The following SHISAL1 variants were observed in gnomAD, a reference collection of about 807,000 sequenced individuals.
The protein encoded by SHISAL1 is protein shisa-like-1.
Under a neutral mutation model 22.6 loss-of-function variants are expected in SHISAL1, and 9 were observed. The observed-to-expected ratio is 0.40, with a 90% CI of 0.24 to 0.70. SHISAL1 has a LOEUF of 0.70. Ranked by LOEUF, SHISAL1 falls within the 30% of genes least tolerant of loss-of-function variation. The pLI, the probability that SHISAL1 is intolerant of heterozygous loss-of-function variation, is 0.39. For synonymous variants in SHISAL1, 119 were observed against 115.4 expected, an observed-to-expected ratio of 1.03 and a Z score of -0.20; for missense variants, 246 against 270.6, an observed-to-expected ratio of 0.91 and a Z score of 0.64.
At chr22:44,300,078 AAGAC>A (rs1337391505) in intron 2 of SHISAL1, among the ~76,000 whole-genome samples, 5 of 147,358 alleles carry the variant, frequency 3.4e-5, no homozygotes, top group South Asian at 4.4e-4. Context: ...GAGACACAGA[AAGAC>A]AGACAGAGAC....
chr22:44,293,233 A>G (rs1840284822), intron 3 of SHISAL1, among the ~76,000 whole-genome samples: 1 of 152,100 alleles, frequency 6.6e-6, no homozygotes, highest in African/African-American at 2.4e-5. Context: ...CTGGGGGAGG[A>G]GAAGGAGCTG....
intron 4 of SHISAL1, among the ~76,000 whole-genome samples, chr22:44,254,862 C>T (rs745878359): frequency 5.9e-5 from 9 of 152,230 alleles, no homozygotes; most frequent in Non-Finnish European, 1.0e-4. Flanking sequence ...TTCTCACCAT[C>T]ACTTAGCCCC....
intron 4 of SHISAL1, among the ~76,000 whole-genome samples, chr22:44,274,737 G>A (rs2055228024): frequency 6.6e-6 from 1 of 152,158 alleles, no homozygotes; most frequent in African/African-American, 2.4e-5. Flanking sequence ...AAAAGCAGGT[G>A]TGCATTAGAA....
intron 4 of SHISAL1, among the ~76,000 whole-genome samples, chr22:44,271,430 C>T (rs1297245319): frequency 6.6e-6 from 1 of 152,052 alleles, no homozygotes; most frequent in African/African-American, 2.4e-5. Context: ...TACAGGAAGT[C>T]CAAGCTGGAG....
At chr22:44,273,425 A>C (rs1183590226) in intron 4 of SHISAL1, among the ~76,000 whole-genome samples, 1 of 152,338 alleles carries the variant, frequency 6.6e-6, no homozygotes, top group Non-Finnish European at 1.5e-5. Flanking sequence ...AATGTAGCAA[A>C]AGAACTAAGA....
intron 4 of SHISAL1, among the ~76,000 whole-genome samples, chr22:44,259,473 T>TTA (rs2055107467): frequency 7.0e-6 from 1 of 142,012 alleles, no homozygotes; most frequent in Non-Finnish European, 1.5e-5. Context: ...TAAAAATTAT[T>TTA]AAAAAAAAAA....
chr22:44,271,019 GT>G (rs1361446532), intron 4 of SHISAL1, among the ~76,000 whole-genome samples: 3 of 152,180 alleles, frequency 2.0e-5, no homozygotes, highest in Non-Finnish European at 4.4e-5. Flanking sequence ...CCCACTCAGA[GT>G]GGATAGAGAC....
chr22:44,280,223 A>G (rs900788770), intron 4 of SHISAL1, among the ~76,000 whole-genome samples: 3 of 152,170 alleles, frequency 2.0e-5, no homozygotes, highest in African/African-American at 7.2e-5. Context: ...TTGAGGGGTC[A>G]AGGCTGGGTT....
intron 4 of SHISAL1, 127 bp from the exon 5 acceptor site, chr22:44,249,812 C>A (rs16990705): frequency 4.3e-5 from 30 of 694,048 alleles, no homozygotes; most frequent in Non-Finnish European, 7.4e-5. Flanking sequence ...CTGAACATTG[C>A]GAACCATGTG....
chr22:44,317,969 T>C, the SHISAL1 span, among the ~76,000 whole-genome samples: 1 of 152,270 alleles, frequency 6.6e-6, no homozygotes, highest in Non-Finnish European at 1.5e-5. Flanking sequence ...AGCTGGGCTC[T>C]GCCACTGCAG....
chr22:44,261,190 A>G (rs538310979), intron 4 of SHISAL1, among the ~76,000 whole-genome samples: 1 of 144,772 alleles, frequency 6.9e-6, no homozygotes, highest in Admixed American at 6.9e-5. Context: ...CTTCGAGGGT[A>G]AAGTTTTGAC....
chr22:44,303,407 G>C (rs183304729), intron 1 of SHISAL1, among the ~76,000 whole-genome samples: 3 of 152,210 alleles, frequency 2.0e-5, no homozygotes, highest in African/African-American at 4.8e-5. Flanking sequence ...AAGAAGACTG[G>C]TGTTTTTTAT....
chr22:44,301,104 G>A (rs571876063), intron 1 of SHISAL1, 127 bp from the exon 2 acceptor site: 17 of 600,196 alleles, frequency 2.8e-5, no homozygotes, highest in African/African-American at 7.4e-5. Context: ...AGCAGGGGCC[G>A]GGTGCGGACG....
chr22:44,263,211 C>T (rs2055138393), intron 4 of SHISAL1, among the ~76,000 whole-genome samples: 1 of 150,214 alleles, frequency 6.7e-6, no homozygotes, highest in South Asian at 2.1e-4. Flanking sequence ...GTTAGGATTA[C>T]AGGCACCCAC....
At chr22:44,250,854 A>C (rs1437130530) in intron 4 of SHISAL1, among the ~76,000 whole-genome samples, 1 of 152,210 alleles carries the variant, frequency 6.6e-6, no homozygotes. Flanking sequence ...ATGATAAACC[A>C]TCTTCAACTA....
chr22:44,331,565 G>C, the SHISAL1 span, among the ~76,000 whole-genome samples: 1 of 150,058 alleles, frequency 6.7e-6, no homozygotes, highest in Non-Finnish European at 1.5e-5. The surrounding 1 kb of genome is among the most constrained non-coding windows in gnomAD (Gnocchi z 5.2). Flanking sequence ...CGCCTGCTGG[G>C]GTGCGGGGGC....
Position 44,243,816 on chromosome 22 carries a change from G to A in SHISAL1, c.*5869C>T, listed in dbSNP as rs1452396596. 2 of 152,180 alleles carry A rather than the reference G, an allele frequency of 1.3e-5. No individual in the cohort carries two copies. The highest frequency in any genetic ancestry group is 2.9e-5 in the Non-Finnish European group (2 of 68,036). The allele number at this position is 152,180 out of a possible 1,614,324, so 9.4% of individuals were successfully genotyped here. A position where few individuals can be genotyped will look rare whatever the true frequency, so the allele number is the denominator to read the frequency against. ...AGTATTATTATTAGGAATATTATTG[G>A]TTTTGGTTTTCCCGGTTATCAGCTC... On this transcript the variant is annotated 3_prime_UTR_variant, in exon 5 of 5. Transcript: ENST00000381176.
intron 1 of SHISAL1, among the ~76,000 whole-genome samples, chr22:44,302,110 G>A (rs1267041674): frequency 4.6e-5 from 7 of 152,314 alleles, no homozygotes; most frequent in African/African-American, 1.7e-4. Context: ...GGAGGCCGAG[G>A]CTGGCGGATC....
At chr22:44,264,692 G>A (rs889921604) in intron 4 of SHISAL1, among the ~76,000 whole-genome samples, 3 of 152,122 alleles carry the variant, frequency 2.0e-5, no homozygotes, top group African/African-American at 4.8e-5. Context: ...TTCACAAGCT[G>A]TGTGACCTTG....
Sources: gnomAD v4.1 joint callset for allele counts (sites outside exome capture counted in the v4.1 genomes callset) on GRCh38, gnomAD v4.1.1 for gene constraint, Gnocchi (gnomAD v3.1) non-coding constraint, MANE v1.5 for transcripts, NCBI Gene and HGNC (gene_info 2026-07-23, HGNC 2026-07-21) for gene names.